TAFA4: variants seen among roughly 807,000 people sequenced by gnomAD.
TAFA4 encodes the protein TAFA chemokine like family member 4, also known as chemokine-like protein TAFA-4.
In TAFA4, 20 loss-of-function variants were observed where a neutral mutation model predicts 21.1. The ratio of observed to expected loss-of-function variants is 0.95; its 90% confidence interval spans 0.67 to 1.38. TAFA4 has a LOEUF of 1.38. Ranked by LOEUF, TAFA4 falls within the 40% of genes most tolerant of loss-of-function variation. TAFA4 has a pLI of 0.00. For missense variants in TAFA4, 211 were observed against 180.9 expected (o/e 1.17, Z -0.95); for synonymous variants, 71 against 67.4 (o/e 1.05, Z -0.26).
intron 2 of TAFA4, among the ~76,000 whole-genome samples, chr3:68,883,931 CA>C (rs1049744578): frequency 4.7e-5 from 7 of 149,976 alleles, no homozygotes; most frequent in Admixed American, 4.0e-4. Flanking sequence ...GACCCTGTCT[CA>C]AAAAAAGAAG....
intron 3 of TAFA4, among the ~76,000 whole-genome samples, chr3:68,795,093 T>C (rs1703431400): frequency 6.6e-6 from 1 of 151,688 alleles, no homozygotes; most frequent in African/African-American, 2.4e-5. Context: ...TAATACTTTA[T>C]ATGCTTGTAA....
intron 3 of TAFA4, among the ~76,000 whole-genome samples, chr3:68,836,731 A>G (rs140885237): frequency 6.6e-6 from 1 of 150,402 alleles, no homozygotes; most frequent in East Asian, 1.9e-4. Flanking sequence ...AAGATTTATT[A>G]CTAATTTGGA....
intron 4 of TAFA4, among the ~76,000 whole-genome samples, chr3:68,743,862 A>G (rs1447246801): frequency 2.6e-5 from 4 of 152,164 alleles, no homozygotes; most frequent in Non-Finnish European, 5.9e-5. Flanking sequence ...ACAATTTTCA[A>G]TAATATTTTA....
intron 1 of TAFA4, among the ~76,000 whole-genome samples, chr3:68,930,386 T>C (rs2090148555): frequency 6.6e-6 from 1 of 152,190 alleles, no homozygotes; most frequent in Non-Finnish European, 1.5e-5. Flanking sequence ...CCACTGCTTT[T>C]CTGGACAGGA....
intron 1 of TAFA4, among the ~76,000 whole-genome samples, chr3:68,930,152 A>G (rs1323435168): frequency 1.3e-5 from 2 of 152,236 alleles, no homozygotes; most frequent in Non-Finnish European, 2.9e-5. Flanking sequence ...TTTTTTAATT[A>G]CTAAATGGAA....
rs1478666153 is a variant in TAFA4 at position 68,932,374 on chromosome 3, C to A, written c.-257G>T. 6.6e-6 allele frequency: 1 copy of A among 152,408 alleles called. No homozygotes were observed. The highest frequency in any genetic ancestry group is 1.5e-5 in the Non-Finnish European group (1 of 68,176). The allele number at this position is 152,408 out of a possible 1,614,324, so 9.4% of individuals were successfully genotyped here. A position where few individuals can be genotyped will look rare whatever the true frequency, so the allele number is the denominator to read the frequency against. Reference sequence around the variant, plus strand: ...GAGCGGCCCATCACCTCTGCAGCCTCGCCAGGAGAAGAAAAGTTCCCACGT... The same window carrying A: ...GAGCGGCCCATCACCTCTGCAGCCTAGCCAGGAGAAGAAAAGTTCCCACGT... On this transcript the variant is annotated 5_prime_UTR_variant, in exon 1 of 6. Transcript: ENST00000295569.
chr3:68,820,916 C>A (rs914194654), intron 3 of TAFA4, among the ~76,000 whole-genome samples: 1 of 152,026 alleles, frequency 6.6e-6, no homozygotes, highest in Non-Finnish European at 1.5e-5. Flanking sequence ...TTAGAAAATG[C>A]AAAGAATTTT....
intron 3 of TAFA4, among the ~76,000 whole-genome samples, chr3:68,764,206 G>C (rs1399615722): frequency 3.9e-5 from 6 of 152,134 alleles, no homozygotes; most frequent in Admixed American, 3.3e-4. Context: ...CAGGGGAAGA[G>C]ACATCAGAGA....
At chr3:68,855,242 A>G (rs1448021614) in intron 3 of TAFA4, among the ~76,000 whole-genome samples, 1 of 152,230 alleles carries the variant, frequency 6.6e-6, no homozygotes, top group African/African-American at 2.4e-5. Flanking sequence ...GATTACTTCT[A>G]TGCAAAGTGG....
At chr3:68,930,465 T>G (rs372516204) in intron 1 of TAFA4, among the ~76,000 whole-genome samples, 1 of 152,158 alleles carries the variant, frequency 6.6e-6, no homozygotes, top group African/African-American at 2.4e-5. Context: ...ATAATAAATT[T>G]TAAAGTGTCA....
At chr3:68,859,067 T>C (rs1199279121) in intron 3 of TAFA4, among the ~76,000 whole-genome samples, 1 of 152,042 alleles carries the variant, frequency 6.6e-6, no homozygotes, top group Non-Finnish European at 1.5e-5. Flanking sequence ...AATCTGTTAT[T>C]ATTTCAGTGT....
chr3:68,830,247 T>C (rs1454607828), intron 3 of TAFA4, among the ~76,000 whole-genome samples: 1 of 152,224 alleles, frequency 6.6e-6, no homozygotes, highest in Non-Finnish European at 1.5e-5. Flanking sequence ...ATTTGTTTGC[T>C]CTTGCTTCTC....
intron 1 of TAFA4, among the ~76,000 whole-genome samples, chr3:68,929,159 T>C (rs2090137150): frequency 6.6e-6 from 1 of 152,168 alleles, no homozygotes; most frequent in Admixed American, 6.5e-5. Flanking sequence ...AGTGAGGCAT[T>C]ACAAAGTGCA....
In TAFA4 at chr3:68,863,070, C is replaced by CAA. The variant is rs762098423; in HGVS notation, c.130+17658_130+17659dup. Among the ~76,000 whole-genome samples the CAA allele has an allele frequency of 5.6e-3, 437 of 77,898 alleles. 3 individuals are homozygous for CAA. The highest frequency in any genetic ancestry group is 0.018 in the African/African-American group (414 of 23,088). 51.1% of individuals were successfully genotyped at this position (77,898 alleles called of 152,430 possible). A position where few individuals can be genotyped will look rare whatever the true frequency, so the allele number is the denominator to read the frequency against. On this transcript the variant is annotated intron_variant, in intron 3 of 5. Coordinates refer to ENST00000295569, the MANE Select transcript of TAFA4 (RefSeq NM_182522.5). ...GGAACATAGGAAAACCCCATCTCTACAAAAAAAAAAAAAAAAAATTAGCCA... is the reference window on the plus strand; with the variant it reads ...GGAACATAGGAAAACCCCATCTCTACAAAAAAAAAAAAAAAAAAAATTAGCCA...
intron 1 of TAFA4, among the ~76,000 whole-genome samples, chr3:68,924,864 A>G (rs1454370794): frequency 6.6e-6 from 1 of 152,120 alleles, no homozygotes; most frequent in Non-Finnish European, 1.5e-5. Context: ...CCCACTCCCC[A>G]CTGCCTCTCT....
intron 1 of TAFA4, among the ~76,000 whole-genome samples, chr3:68,885,665 A>G (rs1034693684): frequency 5.9e-5 from 9 of 152,324 alleles, no homozygotes; most frequent in African/African-American, 2.2e-4. Context: ...GTTAGAGATA[A>G]TGCATTCCCA....
chr3:68,868,580 G>A (rs1051262961), intron 3 of TAFA4, among the ~76,000 whole-genome samples: 8 of 151,828 alleles, frequency 5.3e-5, no homozygotes, highest in Non-Finnish European at 1.2e-4. Context: ...AATAAACGTA[G>A]AAATCAGTAA....
chr3:68,894,816 G>C (rs981084607), intron 1 of TAFA4, among the ~76,000 whole-genome samples: 1 of 152,146 alleles, frequency 6.6e-6, no homozygotes, highest in African/African-American at 2.4e-5. Context: ...AAGATGGAAA[G>C]GAGTAAAAGA....
chr3:68,805,530 C>T (rs1703675899), intron 3 of TAFA4, among the ~76,000 whole-genome samples: 1 of 152,150 alleles, frequency 6.6e-6, no homozygotes, highest in African/African-American at 2.4e-5. Flanking sequence ...GCACTATTCA[C>T]AATAGCAAAG....
Sources: gnomAD v4.1 joint callset for allele counts (sites outside exome capture counted in the v4.1 genomes callset) on GRCh38, gnomAD v4.1.1 for gene constraint, MANE v1.5 for transcripts, NCBI Gene and HGNC (gene_info 2026-07-23, HGNC 2026-07-21) for gene names.